Variants in DCDC1 observed in about 807,000 individuals in gnomAD.
DCDC1 encodes the protein doublecortin domain containing 1.
A neutral mutation model predicts 178.3 loss-of-function variants in DCDC1; 200 were observed. The ratio of observed to expected loss-of-function variants is 1.12; its 90% CI spans 1.00 to 1.26. The LOEUF is 1.26. Among genes scored for constraint, DCDC1 ranks in the 50% most tolerant of loss-of-function variants. The pLI is 0.00. For missense variants in DCDC1, 1,983 were observed against 1,749.2 expected (o/e 1.13, Z -2.38); for synonymous variants, 690 against 604.8 (o/e 1.14, Z -2.07).
chr11:31,115,095 G>A (rs1959678814), intron 11 of DCDC1, among the ~76,000 whole-genome samples: 1 of 152,136 alleles, frequency 6.6e-6, no homozygotes, highest in Non-Finnish European at 1.5e-5. Context: ...ATTTGTGAAG[G>A]CATAAAAATG....
rs141209313 is a variant in DCDC1 at position 31,263,072 on chromosome 11, T to C, written c.1054+2435A>G. 6.9e-5 allele frequency: 112 copies of C among 1,612,914 alleles called. No homozygotes were observed. The East Asian group carries it at 2.4e-3, about 35-fold the overall frequency. ...GTATCACGTCTCAGAGTCAGTGCTT[T>C]CCTGTTTTGATAAGTAATTCTGTTA... On this transcript the variant is annotated intron_variant, in intron 8 of 38. Coordinates refer to ENST00000684477, the MANE Select transcript of DCDC1 (RefSeq NM_001387274.1).
chr11:31,364,057 A>T (rs901095395), intron 1 of DCDC1, among the ~76,000 whole-genome samples: 1 of 152,192 alleles, frequency 6.6e-6, no homozygotes, highest in African/African-American at 2.4e-5. Context: ...TCTGAGGGTA[A>T]ACAACCAATA....
intron 20 of DCDC1, among the ~76,000 whole-genome samples, chr11:30,974,124 T>G (rs2134716421): frequency 6.6e-6 from 1 of 152,038 alleles, no homozygotes; most frequent in Admixed American, 6.5e-5. Flanking sequence ...TTAAACATTC[T>G]CCTGAATGAC....
intron 9 of DCDC1, among the ~76,000 whole-genome samples, chr11:31,141,507 A>G (rs2136027715): frequency 6.6e-6 from 1 of 152,284 alleles, no homozygotes; most frequent in South Asian, 2.1e-4. Context: ...AATCAACATG[A>G]CCCAACAAGA....
At chr11:31,021,032 AT>A (rs975334953) in intron 20 of DCDC1, among the ~76,000 whole-genome samples, 3 of 152,182 alleles carry the variant, frequency 2.0e-5, no homozygotes, top group Admixed American at 6.5e-5. Context: ...AGGACAGACC[AT>A]TTTTTTTAAT....
intron 9 of DCDC1, among the ~76,000 whole-genome samples, chr11:31,142,684 T>C (rs1182492476): frequency 6.6e-6 from 1 of 152,180 alleles, no homozygotes; most frequent in Admixed American, 6.5e-5. Flanking sequence ...GTTTTTTAAA[T>C]TCCTAAAATT....
chr11:31,314,117 C>G (rs1322741065), intron 3 of DCDC1, among the ~76,000 whole-genome samples: 2 of 152,180 alleles, frequency 1.3e-5, no homozygotes, highest in African/African-American at 2.4e-5. Context: ...ATTTGATAGC[C>G]AGAATTACTA....
At chr11:31,224,305 C>G (rs910843153) in intron 9 of DCDC1, among the ~76,000 whole-genome samples, 19 of 151,756 alleles carry the variant, frequency 1.3e-4, no homozygotes, top group African/African-American at 3.6e-4. Flanking sequence ...AACTAGCAAG[C>G]CACATGTAGA....
chr11:31,297,755 C>G (rs1365835865), intron 6 of DCDC1, among the ~76,000 whole-genome samples: 1 of 152,120 alleles, frequency 6.6e-6, no homozygotes, highest in Non-Finnish European at 1.5e-5. Context: ...CTATCTGGTA[C>G]CTTTATAAGA....
intron 8 of DCDC1, 162 bp from the exon 9 acceptor site, chr11:31,241,778 C>T (rs1018632892): frequency 1.6e-5 from 6 of 377,806 alleles, no homozygotes; most frequent in Non-Finnish European, 2.8e-5. Flanking sequence ...CTAGTGGCCA[C>T]CATGAAGGAT....
chr11:31,312,047 C>G (rs1948800677), intron 3 of DCDC1, among the ~76,000 whole-genome samples: 2 of 152,134 alleles, frequency 1.3e-5, no homozygotes, highest in South Asian at 4.1e-4. Flanking sequence ...CCTCTCCAAC[C>G]CTGTCCTATT....
At chr11:30,888,114 G>GAAAGAA (rs1554959027) in intron 36 of DCDC1, among the ~76,000 whole-genome samples, 47 of 125,176 alleles carry the variant, frequency 3.8e-4, no homozygotes, top group African/African-American at 1.3e-3. Context: ...AAGAAAGAAA[G>GAAAGAA]AAAGAAAGAA....
intron 18 of DCDC1, among the ~76,000 whole-genome samples, chr11:31,065,589 A>G (rs1390579376): frequency 6.6e-6 from 1 of 152,232 alleles, no homozygotes; most frequent in Non-Finnish European, 1.5e-5. Flanking sequence ...CATTAAGCAT[A>G]GATAAGATAG....
intron 22 of DCDC1, among the ~76,000 whole-genome samples, chr11:30,927,463 T>C (rs890590166): frequency 6.6e-6 from 1 of 151,330 alleles, no homozygotes; most frequent in Admixed American, 6.6e-5. Context: ...CCTACACCGG[T>C]TGATGTTACA....
intron 7 of DCDC1, among the ~76,000 whole-genome samples, chr11:31,272,358 A>C (rs1465112863): frequency 1.3e-5 from 2 of 152,056 alleles, no homozygotes; most frequent in African/African-American, 4.8e-5. Context: ...ACCCCTCCCA[A>C]ATCTCATGTC....
chr11:30,902,079 T>C (rs1017001499), intron 32 of DCDC1, among the ~76,000 whole-genome samples: 1 of 152,088 alleles, frequency 6.6e-6, no homozygotes, highest in Admixed American at 6.6e-5. Flanking sequence ...CAAGTGAAAA[T>C]ATAGATATAT....
chr11:31,125,951 A>T (rs891668475), intron 11 of DCDC1, among the ~76,000 whole-genome samples: 3 of 152,118 alleles, frequency 2.0e-5, no homozygotes, highest in Non-Finnish European at 2.9e-5. Flanking sequence ...ATAAAATGCA[A>T]AAAAGGGAGT....
chr11:30,989,759 T>C (rs1037293043), intron 20 of DCDC1, among the ~76,000 whole-genome samples: 1 of 152,204 alleles, frequency 6.6e-6, no homozygotes, highest in South Asian at 2.1e-4. Context: ...ATATTTCTCA[T>C]ACCTTTACCT....
intron 38 of DCDC1, among the ~76,000 whole-genome samples, chr11:30,869,376 A>G (rs1941322420): frequency 6.6e-6 from 1 of 152,268 alleles, no homozygotes; most frequent in South Asian, 2.1e-4. Context: ...TGAAAAGCAG[A>G]TATTTCAATG....
Sources: allele counts gnomAD v4.1 joint callset (sites outside exome capture counted in the v4.1 genomes callset), GRCh38; gene constraint gnomAD v4.1.1; transcripts MANE v1.5; gene names NCBI Gene and HGNC (gene_info 2026-07-23, HGNC 2026-07-21).